The following PLD5 variants were observed in gnomAD, a reference collection of about 807,000 sequenced individuals.
PLD5 encodes the protein phospholipase D family member 5.
PLD5 carries 36 observed loss-of-function variants against 61.1 expected under a neutral mutation model. That is an observed-to-expected ratio of 0.59 (90% confidence interval 0.45 to 0.78). The LOEUF (loss-of-function observed/expected upper bound fraction) is 0.78, where lower values mean the gene tolerates loss of function less well. Ranked by LOEUF, PLD5 falls within the 30% of genes least tolerant of loss-of-function variation. The probability of loss-of-function intolerance (pLI) is 0.00; values close to 1 mark genes in which losing one functional copy is unlikely to be tolerated. For synonymous variants in PLD5, 243 were observed against 242.8 expected, an observed-to-expected ratio of 1.00 and a Z score of -0.01; for missense variants, 515 against 644.4, an observed-to-expected ratio of 0.80 and a Z score of 2.17.
At chr1:242,115,191 A>G (rs1350267562) in intron 6 of PLD5, among the ~76,000 whole-genome samples, 1 of 148,876 alleles carries the variant, frequency 6.7e-6, no homozygotes, top group African/African-American at 2.6e-5. Context: ...AGAAAAAAGA[A>G]AAAAAAGAAA....
chr1:242,206,111 G>A (rs1669297537), intron 5 of PLD5, among the ~76,000 whole-genome samples: 1 of 152,198 alleles, frequency 6.6e-6, no homozygotes, highest in Non-Finnish European at 1.5e-5. Flanking sequence ...CACTACTCAA[G>A]TGCTTGAGCT....
chr1:242,457,669 A>G (rs556833302), intron 1 of PLD5, among the ~76,000 whole-genome samples: 1 of 152,272 alleles, frequency 6.6e-6, no homozygotes, highest in East Asian at 1.9e-4. Flanking sequence ...CAATCATCAA[A>G]AAGAAGAAAA....
chr1:242,083,473 A>G lies in PLD5; in HGVS notation c.*6381T>C, dbSNP rs1372232587. On this transcript the variant is annotated 3_prime_UTR_variant, in exon 10 of 10. Coordinates refer to ENST00000536534, the MANE Select transcript of PLD5 (RefSeq NM_001372062.1). ...GCTGTGGAGGTAGGGTCTCTCCAAGACACCAGGAAAACTATAGATCCACCT... is the reference window on the plus strand; with the variant it reads ...GCTGTGGAGGTAGGGTCTCTCCAAGGCACCAGGAAAACTATAGATCCACCT... The G allele has an allele frequency of 3.3e-5, 5 of 152,188 alleles. No homozygotes were observed. Among genetic ancestry groups the G allele is most frequent in the African/African-American group, 1.2e-4 (5 of 41,446 alleles). 9.4% of individuals were successfully genotyped at this position (152,188 alleles called of 1,614,324 possible).
intron 2 of PLD5, among the ~76,000 whole-genome samples, chr1:242,337,572 A>G (rs1659595367): frequency 1.3e-5 from 2 of 152,224 alleles, no homozygotes; most frequent in African/African-American, 4.8e-5. Context: ...CAGAGGTTGC[A>G]GTGAGCCAAG....
chr1:242,089,952 T>C lies in PLD5; in HGVS notation c.1513A>G (p.Thr505Ala), dbSNP rs111998385. The change falls in exon 10 of 10, where the codon ACC becomes GCC. Residue 505 changes from threonine (T) to alanine (A), a missense_variant. By Grantham distance (58) the Thr-to-Ala change is moderately conservative (BLOSUM62 0). Transcript: ENST00000536534. ...YSPYAKTLQP[T>A]KQPNCSSLFK... is the part of the protein sequence containing the mutation. ...AGGCTTGAGCAGTTCGGCTGTTTGG[T>C]TGGCTGTAAGGTTTTGGCATACGGT... 3 of 1,614,180 alleles carry C rather than the reference T, an allele frequency of 1.9e-6. No homozygotes were observed. Among genetic ancestry groups the C allele is most frequent in the Non-Finnish European group, 2.5e-6 (3 of 1,180,030 alleles).
chr1:242,156,359 T>C (rs1665371625), intron 5 of PLD5, among the ~76,000 whole-genome samples: 1 of 152,204 alleles, frequency 6.6e-6, no homozygotes, highest in Non-Finnish European at 1.5e-5. Flanking sequence ...ACATTTAAAG[T>C]TAATATTGTT....
At chr1:242,110,708 G>T (rs909945963) in intron 7 of PLD5, among the ~76,000 whole-genome samples, 1 of 152,082 alleles carries the variant, frequency 6.6e-6, no homozygotes, top group Non-Finnish European at 1.5e-5. Context: ...TACTCAGGAG[G>T]CTGAGGCAGG....
intron 8 of PLD5, among the ~76,000 whole-genome samples, chr1:242,104,158 C>T (rs1463797047): frequency 1.3e-5 from 2 of 151,942 alleles, no homozygotes; most frequent in East Asian, 1.9e-4. Context: ...CTTGTTCTGT[C>T]CCCAGGCTGG....
intron 1 of PLD5, among the ~76,000 whole-genome samples, chr1:242,381,083 A>T (rs1267849995): frequency 1.3e-5 from 2 of 152,236 alleles, no homozygotes; most frequent in African/African-American, 4.8e-5. Context: ...ATTCTATTAT[A>T]AAGACACATG....
At chr1:242,127,349 C>T (rs1409523901) in intron 5 of PLD5, among the ~76,000 whole-genome samples, 1 of 152,178 alleles carries the variant, frequency 6.6e-6, no homozygotes, top group Admixed American at 6.5e-5. Context: ...AATACTTGCA[C>T]ATCCATGTTT....
At chr1:242,411,305 G>T (rs1333377774) in intron 1 of PLD5, among the ~76,000 whole-genome samples, 1 of 152,044 alleles carries the variant, frequency 6.6e-6, no homozygotes, top group African/African-American at 2.4e-5. Flanking sequence ...GCACGATCTC[G>T]GCTCACTGCA....
chr1:242,278,023 T>C (rs1428224405), intron 3 of PLD5, among the ~76,000 whole-genome samples: 3 of 152,236 alleles, frequency 2.0e-5, no homozygotes, highest in Non-Finnish European at 4.4e-5. Flanking sequence ...TCTTTTTATA[T>C]AATATGAGCC....
chr1:242,395,069 A>G (rs1019716503), intron 1 of PLD5, among the ~76,000 whole-genome samples: 3 of 128,670 alleles, frequency 2.3e-5, no homozygotes, highest in Non-Finnish European at 3.3e-5. Context: ...ATGTATATAT[A>G]TGAATATATA....
intron 2 of PLD5, among the ~76,000 whole-genome samples, chr1:242,318,347 G>A (rs1658153302): frequency 6.6e-6 from 1 of 152,160 alleles, no homozygotes; most frequent in South Asian, 2.1e-4. Flanking sequence ...GGGGAGGCCA[G>A]ATTTGCTATT....
chr1:242,293,105 C>A (rs972173162), intron 2 of PLD5, among the ~76,000 whole-genome samples: 5 of 152,066 alleles, frequency 3.3e-5, no homozygotes, highest in African/African-American at 1.2e-4. Flanking sequence ...GTGATTGACG[C>A]TTTAGAAGTG....
At chr1:242,199,087 AT>A (rs1489947767) in intron 5 of PLD5, among the ~76,000 whole-genome samples, 1 of 152,202 alleles carries the variant, frequency 6.6e-6, no homozygotes, top group Non-Finnish European at 1.5e-5. Flanking sequence ...GATATACTAA[AT>A]TACAGAAAAT....
intron 4 of PLD5, among the ~76,000 whole-genome samples, chr1:242,243,830 G>C: frequency 6.6e-6 from 1 of 152,160 alleles, no homozygotes; most frequent in East Asian, 1.9e-4. Flanking sequence ...AAATTCAGTA[G>C]AGCTTCTGCT....
chr1:242,390,744 C>T (rs2580236), intron 1 of PLD5, among the ~76,000 whole-genome samples: 2 of 151,460 alleles, frequency 1.3e-5, no homozygotes, highest in African/African-American at 4.9e-5. Context: ...CCCACTGAAA[C>T]TATGCTTGAC....
intron 5 of PLD5, among the ~76,000 whole-genome samples, chr1:242,130,016 A>G (rs1308507317): frequency 6.6e-6 from 1 of 151,298 alleles, no homozygotes; most frequent in Non-Finnish European, 1.5e-5. Context: ...GTGTATATAT[A>G]CCACATTTTC....
Sources: allele counts gnomAD v4.1 joint callset (sites outside exome capture counted in the v4.1 genomes callset), GRCh38; gene constraint gnomAD v4.1.1; transcripts MANE v1.5; gene names NCBI Gene and HGNC (gene_info 2026-07-23, HGNC 2026-07-21).